Variants in IGFL3 observed in about 807,000 individuals in gnomAD.
IGFL3 encodes IGF like family member 3.
IGFL3 carries 12 observed loss-of-function variants against 17.0 expected under a neutral mutation model. The observed-to-expected ratio is 0.71, with a 90% confidence interval of 0.45 to 1.14. The LOEUF (loss-of-function observed/expected upper bound fraction) is 1.14, where lower values mean the gene tolerates loss of function less well. Among genes scored for constraint, IGFL3 ranks in the 50% most tolerant of loss-of-function variants. The pLI is 0.00. For synonymous variants in IGFL3, 52 were observed against 57.4 expected (o/e 0.91, Z 0.42); for missense variants, 153 against 151.6 (o/e 1.01, Z -0.05).
Position 46,124,226 on chromosome 19 carries a change from C to T in IGFL3, c.79+42G>A, listed in dbSNP as rs377718323. ...CTCAATTCCCAGTCTCTTTTCCCAA[C>T]ACCACCTCTTCCCTCCTCATTTTTC... On this transcript the variant is annotated intron_variant, in intron 2 of 3. Transcript: ENST00000341415. 46 of 1,609,046 alleles carry T rather than the reference C, an allele frequency of 2.9e-5. 3 individuals carry two copies. In the African/African-American group the frequency reaches 5.7e-4, roughly 20 times the overall value.
At position 46,120,889 on chromosome 19, in the gene IGFL3, T is replaced by C. The variant is rs564280242; in HGVS notation, c.351-532A>G. Among the ~76,000 whole-genome samples, 4 of 151,080 alleles carry C rather than the reference T, an allele frequency of 2.6e-5. 1 individual carries two copies. Among genetic ancestry groups the C allele is most frequent in the African/African-American group, 7.4e-5 (3 of 40,800 alleles). The stretch of plus-strand genomic sequence containing the variant: ...TTTCCTTGAGTTTAATTATTCCACA[T>C]TGAATTCATCAGTCATGCTGTACCC... On this transcript the variant is annotated intron_variant, in intron 3 of 3. Transcript: ENST00000341415.
chr19:46,121,297 A>G (rs1161768420), intron 3 of IGFL3, among the ~76,000 whole-genome samples: 1 of 149,662 alleles, frequency 6.7e-6, no homozygotes, highest in East Asian at 2.0e-4. Flanking sequence ...CCGAGGTAGG[A>G]CGATCACTTG....
At chr19:46,120,842 T>C (rs1287052951) in intron 3 of IGFL3, among the ~76,000 whole-genome samples, 1 of 150,870 alleles carries the variant, frequency 6.6e-6, no homozygotes, top group African/African-American at 2.5e-5. Context: ...ATGAGAAATA[T>C]TGAAGGTAAT....
At chr19:46,120,923 C>A (rs960594968) in intron 3 of IGFL3, among the ~76,000 whole-genome samples, 2 of 150,680 alleles carry the variant, frequency 1.3e-5, no homozygotes, top group Non-Finnish European at 2.9e-5. Context: ...CCCATAAATA[C>A]AACTATAATT....
intron 3 of IGFL3, among the ~76,000 whole-genome samples, chr19:46,122,716 C>G (rs1169407372): frequency 6.6e-6 from 1 of 150,914 alleles, no homozygotes; most frequent in African/African-American, 2.5e-5. Context: ...CCCCAAAAAA[C>G]TGCAATGGTT....
Position 46,124,342 on chromosome 19 carries a change from G to A in IGFL3, c.26-21C>T. ...AAGAGCTAAGGGAGAAAGGAAAAAG[G>A]TTGAACATGGAGCTGAGAATGTGAC... On this transcript the variant is annotated intron_variant, in intron 1 of 3. Transcript: ENST00000341415. The A allele has an allele frequency of 1.3e-6, 2 of 1,596,096 alleles. 1 individual carries two copies. Among genetic ancestry groups the A allele is most frequent in the Non-Finnish European group, 1.7e-6 (2 of 1,166,420 alleles).
intron 3 of IGFL3, among the ~76,000 whole-genome samples, chr19:46,121,367 C>T (rs1205514572): frequency 6.9e-6 from 1 of 143,926 alleles, no homozygotes; most frequent in Non-Finnish European, 1.5e-5. Flanking sequence ...GCACTCCAGC[C>T]TGGGTGACAA....
chr19:46,121,989 A>G (rs188395199), intron 3 of IGFL3, among the ~76,000 whole-genome samples: 10 of 151,306 alleles, frequency 6.6e-5, no homozygotes, highest in African/African-American at 2.2e-4. Context: ...TAGTATTTCA[A>G]TGCTGTACCT....
rs1298488282 is a variant in IGFL3 at position 46,124,588 on chromosome 19, G to C, written c.25+37C>G. 3 of 1,579,728 alleles carry C rather than the reference G, an allele frequency of 1.9e-6. No homozygotes were observed. In the South Asian group the frequency reaches 3.3e-5, roughly 18 times the overall value. The stretch of plus-strand genomic sequence containing the variant: ...GAGGTTTGGGAGCTGCACTGGGAAT[G>C]AGATGAGATGATGTTTGGATTTGGG... On this transcript the variant is annotated intron_variant, in intron 1 of 3. Transcript: ENST00000341415.
At chr19:46,120,985 A>G (rs571223281) in intron 3 of IGFL3, among the ~76,000 whole-genome samples, 5 of 150,906 alleles carry the variant, frequency 3.3e-5, no homozygotes, top group Admixed American at 6.6e-5. Flanking sequence ...CCTTAGGTTT[A>G]TTTTTAATTC....
At chr19:46,122,392 C>G (rs1971825605) in intron 3 of IGFL3, among the ~76,000 whole-genome samples, 1 of 151,112 alleles carries the variant, frequency 6.6e-6, no homozygotes, top group Non-Finnish European at 1.5e-5. Flanking sequence ...AGTTAGCTAG[C>G]TGACCCTGTT....
upstream of IGFL3, chr19:46,124,688 TA>T: frequency 6.3e-7 from 1 of 1,589,226 alleles, no homozygotes; most frequent in Non-Finnish European, 8.6e-7. Flanking sequence ...AGAAGAGTGG[TA>T]AAAGGCTGGA....
chr19:46,124,162 G>A lies in IGFL3; in HGVS notation c.80-6C>T, dbSNP rs755055624. On this transcript the variant is annotated splice_region_variant and splice_polypyrimidine_tract_variant and intron_variant, in intron 2 of 3. Transcript: ENST00000341415. ...TCCTGAGCCAACAGGAGCGTCTGGGGGCAGACATTGATGGTGTACATCCAA... is the reference window on the plus strand; with the variant it reads ...TCCTGAGCCAACAGGAGCGTCTGGGAGCAGACATTGATGGTGTACATCCAA... 8.7e-6 allele frequency: 14 copies of A among 1,610,004 alleles called. No homozygotes were observed. The South Asian group carries it at 1.5e-4, about 18-fold the overall frequency.
In IGFL3 at chr19:46,120,118, C is replaced by T. The variant is rs931007982; in HGVS notation, c.*212G>A. 7.0e-5 allele frequency: 43 copies of T among 612,538 alleles called. No homozygotes were observed. The highest frequency in any genetic ancestry group is 9.3e-5 in the Non-Finnish European group (34 of 366,832). The allele number at this position is 612,538 out of a possible 1,614,324, so 37.9% of individuals were successfully genotyped here. ...TATTGCCGATGAAAGTGGCTCTCAGCGGGAAGGGGAGCTGGAAAGGGGATG... is the reference window on the plus strand; with the variant it reads ...TATTGCCGATGAAAGTGGCTCTCAGTGGGAAGGGGAGCTGGAAAGGGGATG... On this transcript the variant is annotated 3_prime_UTR_variant, in exon 4 of 4. Coordinates refer to ENST00000341415, the MANE Select transcript of IGFL3 (RefSeq NM_207393.2).
chr19:46,123,546 A>G (rs1045402598), intron 3 of IGFL3, among the ~76,000 whole-genome samples: 5 of 150,740 alleles, frequency 3.3e-5, no homozygotes, highest in Non-Finnish European at 7.4e-5. Context: ...GCTTCTTCAG[A>G]GAAGCAAAAC....
chr19:46,123,121 A>AT (rs750418025), intron 3 of IGFL3, among the ~76,000 whole-genome samples: 2 of 150,970 alleles, frequency 1.3e-5, no homozygotes, highest in East Asian at 2.0e-4. Flanking sequence ...AGCTACAGGA[A>AT]TTTTTTAATA....
rs769097563 is a variant in IGFL3 at position 46,123,945 on chromosome 19, CA to C, written c.290del (p.Leu97Ter). ...FGPQQKFLVK[L>X]RVLGMKSQCH... ...ACTGAGACTTCATACCCAGAACCCT[CA>C]ACTTCACAAGAAACTTCTGCTGGGG... is the stretch of plus-strand genomic sequence containing the variant. On this transcript the variant is annotated frameshift_variant, in exon 3 of 4. Coordinates refer to ENST00000341415, the MANE Select transcript of IGFL3 (RefSeq NM_207393.2). LOFTEE classifies it high-confidence loss of function. 6.8e-6 allele frequency: 11 copies of C among 1,611,366 alleles called. No individual in the cohort carries two copies. Among genetic ancestry groups the C allele is most frequent in the Non-Finnish European group, 9.3e-6 (11 of 1,179,660 alleles).
intron 3 of IGFL3, among the ~76,000 whole-genome samples, chr19:46,122,763 A>ACCC (rs767496840): frequency 1.3e-5 from 2 of 150,726 alleles, no homozygotes; most frequent in Non-Finnish European, 2.9e-5. Flanking sequence ...ACCTCTTAAA[A>ACCC]CCCCCAACAG....
chr19:46,120,314 G>C lies in IGFL3; in HGVS notation c.*16C>G. 1 of 1,610,856 alleles carries C rather than the reference G, an allele frequency of 6.2e-7. No individual in the cohort carries two copies. Among genetic ancestry groups the C allele is most frequent in the African/African-American group, 1.4e-5 (1 of 73,878 alleles). Reference sequence around the variant, plus strand: ...TTCTCCCCTTGTCTGCCGTCTGCCAGTGGAGCCTGGGGTTTTTATGGGTAC... The same window carrying C: ...TTCTCCCCTTGTCTGCCGTCTGCCACTGGAGCCTGGGGTTTTTATGGGTAC... On this transcript the variant is annotated 3_prime_UTR_variant, in exon 4 of 4. Coordinates refer to ENST00000341415, the MANE Select transcript of IGFL3 (RefSeq NM_207393.2).
Sources: gnomAD v4.1 joint callset for allele counts (sites outside exome capture counted in the v4.1 genomes callset) on GRCh38, gnomAD v4.1.1 for gene constraint, MANE v1.5 for transcripts, NCBI Gene and HGNC (gene_info 2026-07-23, HGNC 2026-07-21) for gene names.